The following EPB41L2 variants were observed in gnomAD, a reference collection of about 807,000 sequenced individuals.
The protein encoded by EPB41L2 is erythrocyte membrane protein band 4.1 like 2, also known as band 4.1-like protein 2.
Under a neutral mutation model 113.0 loss-of-function variants are expected in EPB41L2, and 43 were observed. That is an observed-to-expected ratio of 0.38 (90% confidence interval 0.30 to 0.49). The LOEUF (loss-of-function observed/expected upper bound fraction) is 0.49, where lower values mean the gene tolerates loss of function less well. Ranked by LOEUF, EPB41L2 falls within the 20% of genes least tolerant of loss-of-function variation. EPB41L2 has a pLI of 0.95. For missense variants in EPB41L2, 1,147 were observed against 1,223.4 expected (o/e 0.94, Z 0.93); for synonymous variants, 442 against 436.7 (o/e 1.01, Z -0.15).
intron 1 of EPB41L2, chr6:130,978,493 T>C (rs1778657981): frequency 6.6e-6 from 1 of 152,208 alleles, no homozygotes; most frequent in South Asian, 2.1e-4. Flanking sequence ...CCTAACTCTC[T>C]AAATTTGAAT....
Position 131,055,140 on chromosome 6 carries a change from T to C in EPB41L2, c.-15+8015A>G, listed in dbSNP as rs529665390. On this transcript the variant is annotated intron_variant, in intron 1 of 19. Transcript: ENST00000337057. The stretch of plus-strand genomic sequence containing the variant: ...TAGTTGCCTCAGGGGAGCAGAAATC[T>C]GTCAAGAAGGGAGCTAGGGCACTGG... Among the ~76,000 whole-genome samples the C allele has an allele frequency of 3.9e-5, 6 of 152,320 alleles. No individual in the cohort carries two copies. The East Asian group carries it at 1.2e-3, about 29-fold the overall frequency.
chr6:130,865,381 C>A (rs537595130), intron 17 of EPB41L2, among the ~76,000 whole-genome samples, 155 bp downstream of exon 17: 1 of 152,158 alleles, frequency 6.6e-6, no homozygotes, highest in Non-Finnish European at 1.5e-5. Flanking sequence ...GTCAATGGAG[C>A]CTAATTTCTT....
chr6:130,866,139 T>C (rs998811544), intron 16 of EPB41L2, among the ~76,000 whole-genome samples: 1 of 152,236 alleles, frequency 6.6e-6, no homozygotes, highest in Non-Finnish European at 1.5e-5. Context: ...ATCAACTACA[T>C]TGTTCCTGTA....
At chr6:130,974,717 CTTTTTTT>C (rs71030723) in intron 1 of EPB41L2, among the ~76,000 whole-genome samples, 12 of 64,642 alleles carry the variant, frequency 1.9e-4, no homozygotes, top group East Asian at 1.0e-3. Flanking sequence ...CTTTTCTTTT[CTTTTTTT>C]TTTTTTTTTT....
At chr6:130,993,578 T>G (rs986595124) in intron 1 of EPB41L2, among the ~76,000 whole-genome samples, 12 of 152,212 alleles carry the variant, frequency 7.9e-5, no homozygotes, top group African/African-American at 2.4e-4. Context: ...CTCAGTCTGA[T>G]GTAACTGCTA....
chr6:130,973,901 A>G (rs1200256625), intron 1 of EPB41L2, among the ~76,000 whole-genome samples: 1 of 152,090 alleles, frequency 6.6e-6, no homozygotes, highest in Non-Finnish European at 1.5e-5. Flanking sequence ...CTTTTTTCTG[A>G]AATTTGTAAC....
At chr6:130,877,434 A>G (rs1276214563) in intron 14 of EPB41L2, among the ~76,000 whole-genome samples, 1 of 152,222 alleles carries the variant, frequency 6.6e-6, no homozygotes, top group Non-Finnish European at 1.5e-5. Flanking sequence ...GTGGATGACA[A>G]TGAATGGAGA....
chr6:130,893,791 G>A (rs1275016004), intron 10 of EPB41L2, among the ~76,000 whole-genome samples: 1 of 152,188 alleles, frequency 6.6e-6, no homozygotes, highest in Non-Finnish European at 1.5e-5. Flanking sequence ...GAGGGGGTCA[G>A]AACGTTCCTG....
At chr6:130,874,205 T>C (rs1435030542) in intron 14 of EPB41L2, among the ~76,000 whole-genome samples, 3 of 152,090 alleles carry the variant, frequency 2.0e-5, no homozygotes, top group Non-Finnish European at 4.4e-5. Flanking sequence ...TGGTTTCCAA[T>C]TTTCTGCTCT....
intron 19 of EPB41L2, among the ~76,000 whole-genome samples, chr6:130,856,097 G>A (rs973862865): frequency 6.6e-6 from 1 of 151,994 alleles, no homozygotes; most frequent in Non-Finnish European, 1.5e-5. Flanking sequence ...TACTTATGTA[G>A]GAAACTTTCT....
intron 1 of EPB41L2, among the ~76,000 whole-genome samples, chr6:131,050,693 C>A (rs191987304): frequency 6.6e-6 from 1 of 152,226 alleles, no homozygotes; most frequent in African/African-American, 2.4e-5. Context: ...TTCACCCTTA[C>A]AATATTTAAC....
chr6:130,990,827 ATTTT>A, intron 1 of EPB41L2, among the ~76,000 whole-genome samples: 1 of 136,850 alleles, frequency 7.3e-6, no homozygotes, highest in Non-Finnish European at 1.6e-5. Context: ...TATACAGGTA[ATTTT>A]TTTTTTTTTT....
chr6:130,892,402 G>GATTTTTTTTTTTTTTT (rs1793188588), intron 10 of EPB41L2, among the ~76,000 whole-genome samples: 1 of 53,380 alleles, frequency 1.9e-5, no homozygotes, highest in African/African-American at 5.1e-5. Context: ...ACAGATTATT[G>GATTTTTTTTTTTTTTT]CTTTTTTTTT....
intron 3 of EPB41L2, among the ~76,000 whole-genome samples, chr6:130,931,752 G>A (rs969322151): frequency 6.6e-6 from 1 of 152,132 alleles, no homozygotes; most frequent in Non-Finnish European, 1.5e-5. Flanking sequence ...ACAGGGGCAT[G>A]TAAGTTGAAA....
chr6:130,846,576 CA>C (rs1777101749), intron 19 of EPB41L2, among the ~76,000 whole-genome samples: 1 of 152,190 alleles, frequency 6.6e-6, no homozygotes, highest in Admixed American at 6.5e-5. Flanking sequence ...ATCTGTTCTA[CA>C]AATAATTCAG....
At chr6:130,947,052 A>G (rs900147918) in intron 3 of EPB41L2, among the ~76,000 whole-genome samples, 7 of 135,642 alleles carry the variant, frequency 5.2e-5, no homozygotes, top group African/African-American at 2.0e-4. Context: ...CTGCAGCCAT[A>G]TAGCTAGCTA....
At chr6:130,960,229 C>G (rs1256659398) in intron 1 of EPB41L2, among the ~76,000 whole-genome samples, 1 of 151,720 alleles carries the variant, frequency 6.6e-6, no homozygotes, top group Non-Finnish European at 1.5e-5. Context: ...CCTACTCAAC[C>G]ACAGAGTCCT....
intron 1 of EPB41L2, among the ~76,000 whole-genome samples, chr6:131,058,951 G>T (rs1798128485): frequency 6.6e-6 from 1 of 152,144 alleles, no homozygotes; most frequent in African/African-American, 2.4e-5. Flanking sequence ...GGAAGACGGA[G>T]GTTGCAGTGA....
At chr6:130,941,913 T>A (rs568380915) in intron 3 of EPB41L2, among the ~76,000 whole-genome samples, 5 of 152,276 alleles carry the variant, frequency 3.3e-5, no homozygotes, top group Non-Finnish European at 5.9e-5. Flanking sequence ...TCTAACACAG[T>A]TCAGAGTTGA....
Sources: gnomAD v4.1 joint callset for allele counts (sites outside exome capture counted in the v4.1 genomes callset) on GRCh38, gnomAD v4.1.1 for gene constraint, MANE v1.5 for transcripts, NCBI Gene and HGNC (gene_info 2026-07-23, HGNC 2026-07-21) for gene names.